Variants in AGBL4 observed in about 807,000 individuals in gnomAD.
AGBL4 encodes the protein AGBL carboxypeptidase 4, also known as cytosolic carboxypeptidase 6.
AGBL4 carries 58 observed loss-of-function variants against 66.4 expected under a neutral mutation model. The observed-to-expected ratio is 0.87, with a 90% CI of 0.71 to 1.09. The LOEUF is 1.09. AGBL4 is among the 50% of genes least tolerant of loss of function. AGBL4 has a pLI of 0.00. For missense variants in AGBL4, 579 were observed against 631.0 expected, an observed-to-expected ratio of 0.92 and a Z score of 0.88; for synonymous variants, 234 against 222.9, an observed-to-expected ratio of 1.05 and a Z score of -0.44.
intron 6 of AGBL4, among the ~76,000 whole-genome samples, chr1:48,752,619 C>T (rs1035106688): frequency 5.3e-5 from 8 of 152,260 alleles, no homozygotes; most frequent in South Asian, 4.2e-4. Context: ...ACAATGGGTG[C>T]CTATGATGTG....
At chr1:49,179,255 G>A (rs1371449627) in intron 4 of AGBL4, among the ~76,000 whole-genome samples, 1 of 152,088 alleles carries the variant, frequency 6.6e-6, no homozygotes, top group African/African-American at 2.4e-5. Context: ...AGGAATGATA[G>A]TAACTTAAAT....
intron 4 of AGBL4, among the ~76,000 whole-genome samples, chr1:49,157,986 T>C (rs1646467264): frequency 6.6e-6 from 1 of 152,200 alleles, no homozygotes. Context: ...ATTAGCCCTT[T>C]GTCAGATGGA....
chr1:49,385,998 T>G (rs939666712), intron 3 of AGBL4, among the ~76,000 whole-genome samples: 5 of 152,058 alleles, frequency 3.3e-5, no homozygotes, highest in African/African-American at 7.2e-5. Flanking sequence ...TAGCACCCAA[T>G]GTAGTTAATG....
At chr1:49,408,223 A>T (rs1473644012) in intron 3 of AGBL4, among the ~76,000 whole-genome samples, 3 of 152,228 alleles carry the variant, frequency 2.0e-5, no homozygotes, top group Non-Finnish European at 4.4e-5. Context: ...TGTGGACAAC[A>T]GAGTAACAAT....
At chr1:49,112,581 CT>C (rs1645434566) in intron 4 of AGBL4, among the ~76,000 whole-genome samples, 1 of 152,234 alleles carries the variant, frequency 6.6e-6, no homozygotes, top group Admixed American at 6.5e-5. Flanking sequence ...ACTCAATCCT[CT>C]CAAACCCTGC....
At chr1:49,939,506 T>C (rs1463251397) in intron 1 of AGBL4, among the ~76,000 whole-genome samples, 3 of 151,420 alleles carry the variant, frequency 2.0e-5, no homozygotes, top group Non-Finnish European at 4.4e-5. Flanking sequence ...AAAACAGAGA[T>C]ATAGATCAAT....
intron 3 of AGBL4, among the ~76,000 whole-genome samples, chr1:49,295,030 G>A (rs774286537): frequency 1.3e-5 from 2 of 152,242 alleles, no homozygotes; most frequent in African/African-American, 2.4e-5. Flanking sequence ...GTATGAATGC[G>A]TAAGTGAATC....
At chr1:49,324,419 G>GAA (rs113313253) in intron 3 of AGBL4, among the ~76,000 whole-genome samples, 1 of 150,402 alleles carries the variant, frequency 6.6e-6, no homozygotes, top group African/African-American at 2.4e-5. Context: ...GTATTCTGAA[G>GAA]AAAAAAAAAC....
rs138960150 is a variant in AGBL4, at chr1:49,328,886, T to C, written c.283-83022A>G. Among the ~76,000 whole-genome samples the C allele has an allele frequency of 2.0e-4, 31 of 152,340 alleles. No individual in the cohort carries two copies. The East Asian group carries it at 5.8e-3, about 28-fold the overall frequency. Reference sequence around the variant, plus strand: ...GCCCTCTATCCTTGGGCCATCTTAGTGTAGGATCTTAATTTCCTATAATAA... The same window carrying C: ...GCCCTCTATCCTTGGGCCATCTTAGCGTAGGATCTTAATTTCCTATAATAA... On this transcript the variant is annotated intron_variant, in intron 3 of 13. Coordinates refer to ENST00000371839, the MANE Select transcript of AGBL4 (RefSeq NM_032785.4).
chr1:49,137,592 A>C (rs754673777), intron 4 of AGBL4, among the ~76,000 whole-genome samples: 4 of 152,268 alleles, frequency 2.6e-5, no homozygotes, highest in Non-Finnish European at 5.9e-5. Context: ...CAAGAACCCC[A>C]AACCTGGTTC....
intron 5 of AGBL4, among the ~76,000 whole-genome samples, chr1:48,993,451 G>A (rs1356839009): frequency 6.6e-6 from 1 of 152,154 alleles, no homozygotes; most frequent in Non-Finnish European, 1.5e-5. Context: ...GGTCTGTGTT[G>A]GAGCTGAGCT....
intron 5 of AGBL4, among the ~76,000 whole-genome samples, chr1:48,911,725 G>A (rs1653129433): frequency 6.6e-6 from 1 of 151,708 alleles, no homozygotes; most frequent in African/African-American, 2.4e-5. Context: ...CACATTATAA[G>A]CACTCATATA....
chr1:49,939,044 C>A (rs1449158154), intron 1 of AGBL4, among the ~76,000 whole-genome samples: 1 of 152,046 alleles, frequency 6.6e-6, no homozygotes, highest in African/African-American at 2.4e-5. Flanking sequence ...CACAAGCATT[C>A]TTATACACCA....
chr1:49,982,989 C>T (rs1404806202), intron 1 of AGBL4, among the ~76,000 whole-genome samples: 2 of 152,206 alleles, frequency 1.3e-5, no homozygotes, highest in Non-Finnish European at 2.9e-5. Context: ...TAAGAGCTAT[C>T]CACTGCAAGT....
At chr1:48,714,656 A>G (rs541045054) in intron 6 of AGBL4, among the ~76,000 whole-genome samples, 3 of 152,252 alleles carry the variant, frequency 2.0e-5, no homozygotes, top group African/African-American at 4.8e-5. Context: ...CAATCTGACC[A>G]TGCCGCTTCC....
chr1:48,844,202 TC>T (rs1455537973), intron 6 of AGBL4, among the ~76,000 whole-genome samples: 1 of 152,152 alleles, frequency 6.6e-6, no homozygotes, highest in Non-Finnish European at 1.5e-5. Context: ...ATCTTTAACA[TC>T]TCCTCCTCTG....
At chr1:49,645,768 A>C (rs1380595497) in intron 3 of AGBL4, among the ~76,000 whole-genome samples, 1 of 139,976 alleles carries the variant, frequency 7.1e-6, no homozygotes, top group Non-Finnish European at 1.6e-5. Context: ...ACATAGATGC[A>C]AAAAAAAAAA....
chr1:49,125,320 G>A (rs979818355), intron 4 of AGBL4, among the ~76,000 whole-genome samples: 1 of 151,926 alleles, frequency 6.6e-6, no homozygotes, highest in Non-Finnish European at 1.5e-5. Context: ...TGAGATGTAG[G>A]GTTTAATGTT....
In AGBL4 at chr1:48,780,628, T is replaced by C. The variant is rs181650509; in HGVS notation, c.634+86563A>G. Among the ~76,000 whole-genome samples the C allele has an allele frequency of 2.0e-5, 3 of 152,186 alleles. No individual in the cohort carries two copies. The East Asian group carries it at 5.8e-4, about 29-fold the overall frequency. ...GAGGCCTCAGAAATAATGCCACACA[T>C]CTACAACCATCTGATGTTTGACAAA... On this transcript the variant is annotated intron_variant, in intron 6 of 13. Transcript: ENST00000371839.
Sources: allele counts gnomAD v4.1 joint callset (sites outside exome capture counted in the v4.1 genomes callset), GRCh38; gene constraint gnomAD v4.1.1; transcripts MANE v1.5; gene names NCBI Gene and HGNC (gene_info 2026-07-23, HGNC 2026-07-21).